The following RALYL variants were observed in gnomAD, a reference collection of about 807,000 sequenced individuals.
RALYL encodes RALY RNA binding protein like, also known as RNA-binding Raly-like protein.
A neutral mutation model predicts 35.1 loss-of-function variants in RALYL; 29 were observed. The observed-to-expected ratio is 0.83, with a 90% confidence interval of 0.61 to 1.13. RALYL has a LOEUF of 1.13. RALYL is among the 50% of genes most tolerant of loss of function. The pLI, the probability that RALYL is intolerant of heterozygous loss-of-function variation, is 0.00. For missense variants in RALYL, 359 were observed against 360.4 expected, an observed-to-expected ratio of 1.00 and a Z score of 0.03; for synonymous variants, 120 against 127.6, an observed-to-expected ratio of 0.94 and a Z score of 0.40.
At chr8:84,588,604 A>G (rs1247006151) in intron 2 of RALYL, among the ~76,000 whole-genome samples, 1 of 152,208 alleles carries the variant, frequency 6.6e-6, no homozygotes, top group Non-Finnish European at 1.5e-5. Context: ...CCAAGTGAGA[A>G]TTATAGCAGA....
At position 84,493,111 on chromosome 8, in the gene RALYL, C is replaced by G. The variant is rs922788903; in HGVS notation, c.-23-36188C>G. Among the ~76,000 whole-genome samples the G allele has an allele frequency of 2.0e-5, 3 of 152,030 alleles. No homozygotes were observed. The East Asian group carries it at 5.8e-4, about 29-fold the overall frequency. ...AGGTCTGGTATGTGTTGTTCCCCTC[C>G]CTGTGTCCATGTGTTCTCATTGTTT... On this transcript the variant is annotated intron_variant, in intron 1 of 8. Transcript: ENST00000521268.
chr8:84,247,165 A>G (rs10095560), intron 1 of RALYL, among the ~76,000 whole-genome samples: 5,923 of 152,294 alleles, frequency 0.039, 146 homozygotes, highest in Middle Eastern at 0.061. Flanking sequence ...AAAGAAGTTA[A>G]CAAGAACTGA....
At chr8:84,250,069 T>C (rs1304349001) in intron 1 of RALYL, among the ~76,000 whole-genome samples, 1 of 152,092 alleles carries the variant, frequency 6.6e-6, no homozygotes, top group African/African-American at 2.4e-5. Flanking sequence ...CCTGCTTTAT[T>C]AAACAGCTGA....
intron 3 of RALYL, among the ~76,000 whole-genome samples, chr8:84,790,307 G>A (rs185385958): frequency 2.0e-5 from 3 of 152,264 alleles, no homozygotes; most frequent in East Asian, 3.9e-4. Context: ...GAGATGAAAC[G>A]CAAAATAAAT....
At chr8:84,336,272 A>C (rs1293497382) in intron 1 of RALYL, among the ~76,000 whole-genome samples, 1 of 152,158 alleles carries the variant, frequency 6.6e-6, no homozygotes, top group African/African-American at 2.4e-5. Context: ...ACTGGAGCTG[A>C]GACGGTTTTT....
intron 1 of RALYL, among the ~76,000 whole-genome samples, chr8:84,528,913 T>A (rs956823204): frequency 6.6e-6 from 1 of 152,156 alleles, no homozygotes; most frequent in African/African-American, 2.4e-5. Flanking sequence ...TTACATTTCT[T>A]TATTACATCT....
At chr8:84,428,074 GCTGTCTCTCT>G (rs1183477015) in intron 1 of RALYL, among the ~76,000 whole-genome samples, 2 of 123,042 alleles carry the variant, frequency 1.6e-5, no homozygotes, top group African/African-American at 6.9e-5. Flanking sequence ...GCGCTTGCTC[GCTGTCTCTCT>G]CTCTCTCTCT....
intron 2 of RALYL, among the ~76,000 whole-genome samples, chr8:84,745,130 A>G (rs1041162340): frequency 2.0e-5 from 3 of 151,478 alleles, no homozygotes; most frequent in African/African-American, 7.3e-5. Flanking sequence ...ACCAGTCATC[A>G]TGGTCCATCC....
intron 4 of RALYL, among the ~76,000 whole-genome samples, chr8:84,814,938 A>G (rs563380409): frequency 1.2e-3 from 188 of 152,320 alleles, no homozygotes; most frequent in African/African-American, 3.8e-3. Flanking sequence ...GTGTTTTCCA[A>G]CGCTACCTAG....
rs1819581986 is a variant in RALYL, at chr8:84,786,768, A to G, written c.332+12114A>G. On this transcript the variant is annotated intron_variant, in intron 3 of 8. Coordinates refer to ENST00000521268, the MANE Select transcript of RALYL (RefSeq NM_173848.7). ...GGTTAGATTGCAAAAATTTTCTCCC[A>G]TTCTGTAAGTTGTCTGTTCACTCTG... 3.9e-5 allele frequency among the ~76,000 whole-genome samples: 6 copies of G among 152,056 alleles called. No individual in the cohort carries two copies. In the South Asian group the frequency reaches 1.0e-3, roughly 26 times the overall value.
intron 2 of RALYL, among the ~76,000 whole-genome samples, chr8:84,660,686 C>CT (rs1460536264): frequency 6.6e-6 from 1 of 151,650 alleles, no homozygotes; most frequent in Non-Finnish European, 1.5e-5. Flanking sequence ...GAGGAGGATT[C>CT]TATTTTTAAA....
chr8:84,628,821 T>C (rs1823307594), intron 2 of RALYL, among the ~76,000 whole-genome samples: 2 of 152,038 alleles, frequency 1.3e-5, no homozygotes, highest in African/African-American at 4.8e-5. Context: ...ATAATTTTTG[T>C]TTATTAAAAC....
intron 8 of RALYL, among the ~76,000 whole-genome samples, chr8:84,897,855 TA>T (rs1845006849): frequency 1.3e-5 from 2 of 152,280 alleles, no homozygotes; most frequent in South Asian, 4.1e-4. Context: ...TCTCACTGGG[TA>T]GAAGAGAAGA....
intron 1 of RALYL, among the ~76,000 whole-genome samples, chr8:84,506,534 A>G (rs2057179167): frequency 6.6e-6 from 1 of 152,058 alleles, no homozygotes; most frequent in Non-Finnish European, 1.5e-5. Context: ...TGGATGTTTC[A>G]GGCTTGGAAA....
In RALYL at chr8:84,769,486, C is replaced by T. The variant is rs74479748; in HGVS notation, c.257-5093C>T. 9.5e-4 allele frequency among the ~76,000 whole-genome samples: 145 copies of T among 152,264 alleles called. 1 individual carries two copies. In the East Asian group the frequency reaches 0.026, roughly 28 times the overall value. ...AAAACCTAATGTCTCTGGCCCAGCACGGTGGCTCACACCTCTGTAATCCTA... is the reference window on the plus strand; with the variant it reads ...AAAACCTAATGTCTCTGGCCCAGCATGGTGGCTCACACCTCTGTAATCCTA... On this transcript the variant is annotated intron_variant, in intron 2 of 8. Coordinates refer to ENST00000521268, the MANE Select transcript of RALYL (RefSeq NM_173848.7).
chr8:84,633,514 G>A (rs1824380758), intron 2 of RALYL, among the ~76,000 whole-genome samples: 1 of 151,750 alleles, frequency 6.6e-6, no homozygotes, highest in Non-Finnish European at 1.5e-5. Context: ...GTAGTTTCAC[G>A]CATAAACATT....
intron 1 of RALYL, among the ~76,000 whole-genome samples, chr8:84,383,730 C>T (rs34534199): frequency 6.9e-6 from 1 of 144,692 alleles, no homozygotes; most frequent in Non-Finnish European, 1.5e-5. Flanking sequence ...GGGACAACAG[C>T]TGTGAAAGGA....
intron 1 of RALYL, among the ~76,000 whole-genome samples, chr8:84,311,016 C>T (rs1254444634): frequency 1.2e-4 from 13 of 109,364 alleles, no homozygotes; most frequent in South Asian, 1.1e-3. Context: ...CACTGCAGTC[C>T]GCAGTCCGAC....
intron 2 of RALYL, among the ~76,000 whole-genome samples, chr8:84,732,350 T>A (rs576195954): frequency 6.6e-6 from 1 of 152,130 alleles, no homozygotes; most frequent in Non-Finnish European, 1.5e-5. Context: ...ACTAAATGCA[T>A]GGACTTGGGT....
Sources: gnomAD v4.1 joint callset for allele counts (sites outside exome capture counted in the v4.1 genomes callset) on GRCh38, gnomAD v4.1.1 for gene constraint, MANE v1.5 for transcripts, NCBI Gene and HGNC (gene_info 2026-07-23, HGNC 2026-07-21) for gene names.